Variants in SNX13 observed in about 807,000 individuals in gnomAD.
The protein encoded by SNX13 is sorting nexin-13.
Under a neutral mutation model 133.6 loss-of-function variants are expected in SNX13, and 45 were observed. The ratio of observed to expected loss-of-function variants is 0.34; its 90% confidence interval spans 0.27 to 0.43. The LOEUF is 0.43. Ranked by LOEUF, SNX13 falls within the 20% of genes least tolerant of loss-of-function variation. The pLI, the probability that SNX13 is intolerant of heterozygous loss-of-function variation, is 1.00. For synonymous variants in SNX13, 414 were observed against 373.9 expected (o/e 1.11, Z -1.24); for missense variants, 1,032 against 1,145.1 (o/e 0.90, Z 1.43).
chr7:17,796,217 A>G (rs1003964412), intron 25 of SNX13: 2 of 151,826 alleles, frequency 1.3e-5, no homozygotes, highest in Non-Finnish European at 3.0e-5. Context: ...AATCTAAGGT[A>G]GTGAGATAGC....
Position 17,841,928 on chromosome 7 carries a change from G to T in SNX13, c.1166-1928C>A, listed in dbSNP as rs371881720. ...AGGCAGAGGAATCAGCAAATGTAAG[G>T]ATAGATTAATAAAAGTTTTAGATTC... On this transcript the variant is annotated intron_variant, in intron 12 of 25. Coordinates refer to ENST00000428135, the MANE Select transcript of SNX13 (RefSeq NM_015132.5). 1.2e-4 allele frequency among the ~76,000 whole-genome samples: 19 copies of T among 152,056 alleles called. 1 individual carries two copies. In the South Asian group the frequency reaches 3.9e-3, roughly 32 times the overall value.
intron 1 of SNX13, among the ~76,000 whole-genome samples, chr7:17,933,880 T>C (rs1237175482): frequency 2.0e-5 from 3 of 151,836 alleles, no homozygotes; most frequent in Non-Finnish European, 4.4e-5. Flanking sequence ...CATCATCTTA[T>C]ATGATCTTCA....
chr7:17,847,144 G>C (rs1405432238), intron 11 of SNX13, among the ~76,000 whole-genome samples: 1 of 152,030 alleles, frequency 6.6e-6, no homozygotes, highest in Non-Finnish European at 1.5e-5. Flanking sequence ...AGTAGTTAAA[G>C]AAAAGCACAA....
rs746070223 is a variant in SNX13, at chr7:17,834,787, C to G, written c.1438G>C (p.Glu480Gln). ...DTLNHEDPTP[E>Q]IFDDIQRKVY... is the part of the protein sequence containing the mutation. The stretch of plus-strand genomic sequence containing the variant: ...TTTCTTTGAATGTCATCAAAGATTT[C>G]AGGGGTTGGATCTTCATGATTCAAA... The change falls in exon 14 of 26, where the codon GAA becomes CAA. Residue 480 changes from glutamate (E) to glutamine (Q), a missense_variant. Glu to Gln is a conservative substitution (Grantham distance 29). Transcript: ENST00000428135. The G allele has an allele frequency of 1.2e-6, 2 of 1,607,978 alleles. No individual in the cohort carries two copies. The highest frequency in any genetic ancestry group is 1.7e-6 in the Non-Finnish European group (2 of 1,175,788).
chr7:17,797,060 T>C, intron 24 of SNX13, 121 bp from the exon 25 acceptor site: 1 of 714,882 alleles, frequency 1.4e-6, no homozygotes, highest in Non-Finnish European at 2.3e-6. Flanking sequence ...AGTTTCTGAA[T>C]AATAACATAT....
chr7:17,892,748 C>CT (rs1796764684), intron 3 of SNX13, among the ~76,000 whole-genome samples: 2 of 152,144 alleles, frequency 1.3e-5, no homozygotes, highest in East Asian at 3.9e-4. Flanking sequence ...GGCCATCTGC[C>CT]TCTCTTCATA....
Position 17,877,045 on chromosome 7 carries a change from GAAAAAAA to G in SNX13, c.441-1262_441-1256del, listed in dbSNP as rs57618763. ...GCTGACTTAATTACTGTTACTTTTTGAAAAAAAAAAAAAAAAAAAAAAAGCCTTAAAG... is the reference window on the plus strand; with the variant it reads ...GCTGACTTAATTACTGTTACTTTTTGAAAAAAAAAAAAAAAAGCCTTAAAG... On this transcript the variant is annotated intron_variant, in intron 5 of 25. Coordinates refer to ENST00000428135, the MANE Select transcript of SNX13 (RefSeq NM_015132.5). Among the ~76,000 whole-genome samples, 108 of 60,080 alleles carry G rather than the reference GAAAAAAA, an allele frequency of 1.8e-3. 2 individuals are homozygous for G. Among genetic ancestry groups the G allele is most frequent in the African/African-American group, 4.7e-3 (90 of 19,186 alleles). 39.4% of individuals were successfully genotyped at this position (60,080 alleles called of 152,430 possible).
At chr7:17,932,356 C>G (rs1407094670) in intron 1 of SNX13, among the ~76,000 whole-genome samples, 2 of 152,082 alleles carry the variant, frequency 1.3e-5, no homozygotes, top group Admixed American at 6.6e-5. Flanking sequence ...TCCCATTGCT[C>G]TTAAACACAA....
At chr7:17,883,637 G>A (rs373947573) in intron 5 of SNX13, among the ~76,000 whole-genome samples, 3 of 151,906 alleles carry the variant, frequency 2.0e-5, no homozygotes, top group African/African-American at 4.8e-5. Flanking sequence ...AGGTATACAC[G>A]TGCCATGGTG....
At chr7:17,799,766 T>G (rs1784421542) in intron 22 of SNX13, among the ~76,000 whole-genome samples, 1 of 151,690 alleles carries the variant, frequency 6.6e-6, no homozygotes, top group African/African-American at 2.4e-5. Context: ...ATACAACCAC[T>G]AAGTATACAA....
Position 17,805,250 on chromosome 7 carries a change from T to TGTGTGTGCGCGC in SNX13, c.2065-1671_2065-1670insGCGCGCACACAC. On this transcript the variant is annotated intron_variant, in intron 20 of 25. Coordinates refer to ENST00000428135, the MANE Select transcript of SNX13 (RefSeq NM_015132.5). ...GTGTGTGTGTGTGTGTGTGTGTGTG[T>TGTGTGTGCGCGC]GCGTGCGCGCGCGCGCATGCATGCA... Among the ~76,000 whole-genome samples, 190 of 95,552 alleles carry TGTGTGTGCGCGC rather than the reference T, an allele frequency of 2.0e-3. 4 individuals are homozygous for TGTGTGTGCGCGC. Among genetic ancestry groups the TGTGTGTGCGCGC allele is most frequent in the Middle Eastern group, 4.9e-3 (1 of 206 alleles). 62.7% of individuals were successfully genotyped at this position (95,552 alleles called of 152,430 possible).
chr7:17,892,559 T>TA (rs1796738327), intron 3 of SNX13, among the ~76,000 whole-genome samples: 2 of 151,828 alleles, frequency 1.3e-5, no homozygotes, highest in Admixed American at 6.6e-5. Flanking sequence ...TTTCAGATTA[T>TA]AAAAAAGTTT....
chr7:17,795,300 T>C (rs1783927981), intron 25 of SNX13: 1 of 151,708 alleles, frequency 6.6e-6, no homozygotes, highest in Non-Finnish European at 1.5e-5. Flanking sequence ...AATATAGATA[T>C]TATTTTGCTG....
chr7:17,921,893 T>C (rs1316861867), intron 1 of SNX13, among the ~76,000 whole-genome samples: 1 of 152,250 alleles, frequency 6.6e-6, no homozygotes, highest in Non-Finnish European at 1.5e-5. Flanking sequence ...GAATGCTGAA[T>C]AACCTTCAGT....
intron 18 of SNX13, among the ~76,000 whole-genome samples, chr7:17,816,676 C>A (rs1472711330): frequency 6.6e-6 from 1 of 151,884 alleles, no homozygotes; most frequent in Non-Finnish European, 1.5e-5. Flanking sequence ...AAAACAACAA[C>A]AACAACAACA....
rs905749899 is a variant in SNX13 at position 17,905,821 on chromosome 7, A to G, written c.13-8375T>C. On this transcript the variant is annotated intron_variant, in intron 1 of 25. Transcript: ENST00000428135. The stretch of plus-strand genomic sequence containing the variant: ...ACACTTTTACAGATTTTGTCTGTTT[A>G]AAAAGATGGAGTCTCTCACTCTCTT... Among the ~76,000 whole-genome samples, 3 of 152,146 alleles carry G rather than the reference A, an allele frequency of 2.0e-5. No individual in the cohort carries two copies. The East Asian group carries it at 5.8e-4, about 29-fold the overall frequency.
intron 9 of SNX13, among the ~76,000 whole-genome samples, chr7:17,861,466 T>C (rs1391931436): frequency 6.6e-6 from 1 of 151,728 alleles, no homozygotes; most frequent in Non-Finnish European, 1.5e-5. Flanking sequence ...ACTAACGTAA[T>C]CATTGGTCAC....
At chr7:17,816,083 C>T in intron 19 of SNX13, 99 bp downstream of exon 19, 2 of 1,309,754 alleles carry the variant, frequency 1.5e-6, no homozygotes, top group Non-Finnish European at 2.0e-6. Flanking sequence ...CCTGTGATTA[C>T]AGTAAAAACA....
At chr7:17,830,960 C>A in intron 15 of SNX13, 1 of 984,366 alleles carries the variant, frequency 1.0e-6, no homozygotes. Flanking sequence ...TTTCTTGGTT[C>A]TTCAGCCCTC....
Sources: gnomAD v4.1 joint callset for allele counts (sites outside exome capture counted in the v4.1 genomes callset) on GRCh38, gnomAD v4.1.1 for gene constraint, MANE v1.5 for transcripts, NCBI Gene and HGNC (gene_info 2026-07-23, HGNC 2026-07-21) for gene names.